The following MMAB variants were observed in gnomAD, a reference collection of about 807,000 sequenced individuals.
MMAB encodes corrinoid adenosyltransferase MMAB.
In MMAB, 17 loss-of-function variants were observed where a neutral mutation model predicts 30.6. The ratio of observed to expected loss-of-function variants is 0.56; its 90% confidence interval spans 0.38 to 0.83. The LOEUF is 0.83. Among genes scored for constraint, MMAB ranks in the 40% least tolerant of loss-of-function variants. The pLI is 0.00. For missense variants in MMAB, 311 were observed against 331.6 expected (o/e 0.94, Z 0.48); for synonymous variants, 134 against 138.6 (o/e 0.97, Z 0.23).
chr12:109,571,695 C>G lies in MMAB; in HGVS notation c.150G>C (p.Ser50=), dbSNP rs754357121. ...AAATCTTGGGGATCCTGGGTGTCTT[C>G]GAGGAAGGCTGTGGCCTAATGAGAA... ...VEDGDRPQPS[S]KTPRIPKIYT... The change falls in exon 2 of 9, where the codon TCG becomes TCC. Residue 50 remains serine, a synonymous_variant. Transcript: ENST00000545712. 6.2e-7 allele frequency: 1 copy of G among 1,614,056 alleles called. No homozygotes were observed. The highest frequency in any genetic ancestry group is 8.5e-7 in the Non-Finnish European group (1 of 1,179,976).
chr12:109,570,139 T>C, intron 2 of MMAB: 1 of 283,042 alleles, frequency 3.5e-6, no homozygotes, highest in South Asian at 2.6e-5. Flanking sequence ...GATGCATGCC[T>C]GTAGTCCCAG....
chr12:109,562,847 C>G (rs1404141393), intron 4 of MMAB, among the ~76,000 whole-genome samples: 1 of 152,142 alleles, frequency 6.6e-6, no homozygotes, highest in Non-Finnish European at 1.5e-5. Flanking sequence ...CTGTTAAGGT[C>G]TGCTGCAGGA....
At chr12:109,564,913 C>T in intron 4 of MMAB, 1 of 667,128 alleles carries the variant, frequency 1.5e-6, no homozygotes, top group Non-Finnish European at 2.7e-6. Flanking sequence ...AGTGATCTTC[C>T]TGCCTCAGTC....
intron 2 of MMAB, 95 bp from the exon 3 acceptor site, chr12:109,568,958 T>C (rs981559218): frequency 1.0e-6 from 1 of 968,150 alleles, no homozygotes; most frequent in Non-Finnish European, 1.6e-6. Flanking sequence ...TTAAAGAACT[T>C]TCTCTTTTTT....
chr12:109,558,304 G>T lies in MMAB; in HGVS notation c.644+792C>A, dbSNP rs1414494876. ...GGGTTGCTGCTTTGAAGGTGAAGTA[G>T]ACCTGCTCCTCACTCCCGGCGAAAC... On this transcript the variant is annotated intron_variant, in intron 8 of 8. Coordinates refer to ENST00000545712, the MANE Select transcript of MMAB (RefSeq NM_052845.4). The surrounding 1 kb of genome is among the most constrained non-coding windows in gnomAD (Gnocchi z 4.3). Among the ~76,000 whole-genome samples, 1 of 152,078 alleles carries T rather than the reference G, an allele frequency of 6.6e-6. No individual in the cohort carries two copies. Among genetic ancestry groups the T allele is most frequent in the African/African-American group, 2.4e-5 (1 of 41,390 alleles).
At chr12:109,573,064 A>C (rs1418004240) in intron 1 of MMAB, among the ~76,000 whole-genome samples, 1 of 152,220 alleles carries the variant, frequency 6.6e-6, no homozygotes, top group East Asian at 1.9e-4. Flanking sequence ...CCTGGGGAAT[A>C]AACTGCTTTG....
chr12:109,570,026 C>G (rs1221169931), intron 2 of MMAB: 1 of 249,822 alleles, frequency 4.0e-6, no homozygotes. Flanking sequence ...CTTTGGGAGG[C>G]CATGGTGGGC....
At chr12:109,565,039 T>G (rs1248410063) in intron 4 of MMAB, 80 bp downstream of exon 4, 2 of 1,055,662 alleles carry the variant, frequency 1.9e-6, no homozygotes, top group Non-Finnish European at 3.0e-6. Flanking sequence ...ACACAAAGAG[T>G]AACTGGTGGC....
chr12:109,557,144 G>A lies in MMAB; in HGVS notation c.645-8C>T. ...AAGAGATAGTCACTGAGTCTGGAGGGGCAGAGAGAGAGAAGCAAACAGAAT... is the reference window on the plus strand; with the variant it reads ...AAGAGATAGTCACTGAGTCTGGAGGAGCAGAGAGAGAGAAGCAAACAGAAT... On this transcript the variant is annotated splice_polypyrimidine_tract_variant and splice_region_variant and intron_variant, in intron 8 of 8. Coordinates refer to ENST00000545712, the MANE Select transcript of MMAB (RefSeq NM_052845.4). 1 of 1,575,284 alleles carries A rather than the reference G, an allele frequency of 6.3e-7. No individual in the cohort carries two copies. The highest frequency in any genetic ancestry group is 1.1e-5 in the South Asian group (1 of 90,288).
Position 109,556,499 on chromosome 12 carries a change from T to C in MMAB, c.*529A>G. 2.2e-6 allele frequency: 1 copy of C among 454,102 alleles called. No individual in the cohort carries two copies. Among genetic ancestry groups the C allele is most frequent in the Non-Finnish European group, 4.4e-6 (1 of 226,778 alleles). 28.1% of individuals were successfully genotyped at this position (454,102 alleles called of 1,614,324 possible). ...CGGTGATGGGTGGCTCAGAGGTGAC[T>C]AAACTTCCAAATCTTGTCCGCCTTC... On this transcript the variant is annotated 3_prime_UTR_variant, in exon 9 of 9. Coordinates refer to ENST00000545712, the MANE Select transcript of MMAB (RefSeq NM_052845.4).
At position 109,569,273 on chromosome 12, in the gene MMAB, G is replaced by A. The variant is rs1278441267; in HGVS notation, c.197-410C>T. Among the ~76,000 whole-genome samples the A allele has an allele frequency of 6.6e-6, 1 of 152,160 alleles. No individual in the cohort carries two copies. Among genetic ancestry groups the A allele is most frequent in the Non-Finnish European group, 1.5e-5 (1 of 68,044 alleles). ...TAAAGAACTTTCAACTTGAAATATA[G>A]CATATACACAGAAAAGTGCTCAAAT... On this transcript the variant is annotated intron_variant, in intron 2 of 8. Transcript: ENST00000545712. This position sits in a 1 kb window ranked among gnomAD's most constrained non-coding sequence, Gnocchi z 4.1.
In MMAB at chr12:109,556,648, T is replaced by TCTCTCTCACACA. The variant is rs1555273916; in HGVS notation, c.*379_*380insTGTGTGAGAGAG. On this transcript the variant is annotated 3_prime_UTR_variant, in exon 9 of 9. Coordinates refer to ENST00000545712, the MANE Select transcript of MMAB (RefSeq NM_052845.4). ...GAGCTGGCAGTGGGAGGGCTCTCTCTCACACACACACACACACACACACAC... is the reference window on the plus strand; with the variant it reads ...GAGCTGGCAGTGGGAGGGCTCTCTCTCTCTCTCACACACACACACACACACACACACACACAC... 1.2e-4 allele frequency: 41 copies of TCTCTCTCACACA among 328,372 alleles called. No homozygotes were observed. The highest frequency in any genetic ancestry group is 9.7e-4 in the African/African-American group (33 of 34,036). 20.3% of individuals were successfully genotyped at this position (328,372 alleles called of 1,614,324 possible).
In MMAB at chr12:109,554,193, A is replaced by G. The variant is rs12817689; in HGVS notation, c.*2835T>C. ...CCAGGACAACTTGGTTCCCCACCCA[A>G]TGCCTCCTTCCAGGGCTGCTATGGG... On this transcript the variant is annotated 3_prime_UTR_variant, in exon 9 of 9. Transcript: ENST00000545712. 74,809 of 453,124 alleles carry G rather than the reference A, an allele frequency of 0.17. 6,459 individuals are homozygous for G. Among genetic ancestry groups the G allele is most frequent in the Middle Eastern group, 0.19 (273 of 1,442 alleles). The allele number at this position is 453,124 out of a possible 1,614,324, so 28.1% of individuals were successfully genotyped here. A position where few individuals can be genotyped will look rare whatever the true frequency, so the allele number is the denominator to read the frequency against.
In MMAB at chr12:109,559,165, G is replaced by A. The variant is rs375474421; in HGVS notation, c.585-10C>T. Reference sequence around the variant, plus strand: ...GACAAGAGGCACCACACTAGAAAGGGAGGAGACACTGAGTCACGTGACATT... The same window carrying A: ...GACAAGAGGCACCACACTAGAAAGGAAGGAGACACTGAGTCACGTGACATT... On this transcript the variant is annotated splice_polypyrimidine_tract_variant and intron_variant, in intron 7 of 8. Transcript: ENST00000545712. The A allele has an allele frequency of 1.2e-6, 2 of 1,611,158 alleles. No individual in the cohort carries two copies. The highest frequency in any genetic ancestry group is 1.7e-6 in the Non-Finnish European group (2 of 1,177,382).
chr12:109,556,842 T>A lies in MMAB; in HGVS notation c.*186A>T, dbSNP rs1390590611. The stretch of plus-strand genomic sequence containing the variant: ...TGGGGAAGCAGGGTCAGGGACAGAA[T>A]CCCCAAAGGGTCACAGTCCCTTGAG... On this transcript the variant is annotated 3_prime_UTR_variant, in exon 9 of 9. Coordinates refer to ENST00000545712, the MANE Select transcript of MMAB (RefSeq NM_052845.4). The A allele has an allele frequency of 2.9e-6, 2 of 681,232 alleles. No individual in the cohort carries two copies. Among genetic ancestry groups the A allele is most frequent in the Admixed American group, 4.1e-5 (2 of 49,320 alleles). 42.2% of individuals were successfully genotyped at this position (681,232 alleles called of 1,614,324 possible).
rs375418598 is a variant in MMAB at position 109,561,407 on chromosome 12, G to A, written c.519+13C>T. 2 of 1,550,076 alleles carry A rather than the reference G, an allele frequency of 1.3e-6. No individual in the cohort carries two copies. The highest frequency in any genetic ancestry group is 4.9e-5 in the East Asian group (2 of 40,908). On this transcript the variant is annotated intron_variant, in intron 6 of 8. Transcript: ENST00000545712. The surrounding 1 kb of genome is among the most constrained non-coding windows in gnomAD (Gnocchi z 5.3). ...CCTGCAGCCGCCCCCGGTTAAGCCT[G>A]CCCAGTACCTACAGGCAGGATGAAG...
chr12:109,571,483 C>A (rs938738467), intron 2 of MMAB, among the ~76,000 whole-genome samples, 166 bp downstream of exon 2: 1 of 152,126 alleles, frequency 6.6e-6, no homozygotes, highest in East Asian at 1.9e-4. Flanking sequence ...AATTCCTGGC[C>A]TCAGATGATT....
At chr12:109,567,017 A>G in intron 3 of MMAB, 1 of 456,056 alleles carries the variant, frequency 2.2e-6, no homozygotes, top group Non-Finnish European at 4.4e-6. Context: ...TCACCTAGTC[A>G]GGCCCGCCAT....
At position 109,554,499 on chromosome 12, in the gene MMAB, A is replaced by C; in HGVS notation, c.*2529T>G. 1 of 454,144 alleles carries C rather than the reference A, an allele frequency of 2.2e-6. No homozygotes were observed. The highest frequency in any genetic ancestry group is 1.6e-5 in the South Asian group (1 of 64,478). 28.1% of individuals were successfully genotyped at this position (454,144 alleles called of 1,614,324 possible). A position where few individuals can be genotyped will look rare whatever the true frequency, so the allele number is the denominator to read the frequency against. The stretch of plus-strand genomic sequence containing the variant: ...ATATTTTCCAAAATCAAATTATGAA[A>C]AAAATCTACGATAAGCAAGGGATCA... On this transcript the variant is annotated 3_prime_UTR_variant, in exon 9 of 9. Coordinates refer to ENST00000545712, the MANE Select transcript of MMAB (RefSeq NM_052845.4).
Sources: allele counts gnomAD v4.1 joint callset (sites outside exome capture counted in the v4.1 genomes callset), GRCh38; gene constraint gnomAD v4.1.1; non-coding constraint Gnocchi (gnomAD v3.1); transcripts MANE v1.5; gene names NCBI Gene and HGNC (gene_info 2026-07-23, HGNC 2026-07-21).